The following PSMG4 variants were observed in gnomAD, a reference collection of about 807,000 sequenced individuals.
The protein encoded by PSMG4 is proteasome assembly chaperone 4.
A neutral mutation model predicts 11.0 loss-of-function variants in PSMG4; 10 were observed. The ratio of observed to expected loss-of-function variants is 0.91; its 90% CI spans 0.56 to 1.54. The LOEUF is 1.54. Among genes scored for constraint, PSMG4 ranks in the 40% most tolerant of loss-of-function variants. The pLI is 0.00. For missense variants in PSMG4, 198 were observed against 160.9 expected (o/e 1.23, Z -1.25); for synonymous variants, 95 against 71.3 (o/e 1.33, Z -1.68).
At chr6:3,260,291 A>ATATTTTTTTTTTTTTTTTT in intron 1 of PSMG4, among the ~76,000 whole-genome samples, 5 of 70,838 alleles carry the variant, frequency 7.1e-5, no homozygotes, top group African/African-American at 2.7e-4. Flanking sequence ...ATATATATAT[A>ATATTTTTTTTTTTTTTTTT]TTTTTTTTTT....
At chr6:3,255,039 T>C (rs1466314076), upstream of PSMG4, 1 of 1,549,712 alleles carries the variant, frequency 6.5e-7, no homozygotes, top group South Asian at 1.2e-5. Context: ...CGCTTTCTGA[T>C]TCTCTGGACA....
chr6:3,258,515 TCA>T (rs1226809661), upstream of PSMG4, among the ~76,000 whole-genome samples: 7 of 152,236 alleles, frequency 4.6e-5, no homozygotes, highest in African/African-American at 1.7e-4. Flanking sequence ...GTGGCCGTTC[TCA>T]GAGTGCTTGA....
upstream of PSMG4, among the ~76,000 whole-genome samples, chr6:3,254,677 A>G (rs1347806710): frequency 1.3e-5 from 2 of 152,250 alleles, no homozygotes; most frequent in African/African-American, 4.8e-5. Context: ...CTGCGAAACC[A>G]CTAAACTCAA....
At chr6:3,258,927 C>G, upstream of PSMG4, 1 of 1,162,188 alleles carries the variant, frequency 8.6e-7, no homozygotes, top group Non-Finnish European at 1.1e-6. Flanking sequence ...AGCGAAAGCG[C>G]GCTCGGTCTC....
chr6:3,255,375 ATGT>A, upstream of PSMG4: 41 of 1,416,142 alleles, frequency 2.9e-5, no homozygotes, highest in Non-Finnish European at 3.7e-5. Context: ...GTGGTGGATG[ATGT>A]TTGTTGAGTG....
At chr6:3,256,670 G>A (rs1757777958), upstream of PSMG4, among the ~76,000 whole-genome samples, 2 of 152,226 alleles carry the variant, frequency 1.3e-5, 1 homozygote, top group East Asian at 3.8e-4. Flanking sequence ...GATAGTGTAA[G>A]GTGAATACCG....
chr6:3,262,521 T>C (rs4246060), intron 1 of PSMG4, among the ~76,000 whole-genome samples: 103,937 of 152,048 alleles, frequency 0.68, 38,520 homozygotes, highest in Non-Finnish European at 0.83. Flanking sequence ...CTGCCTTTTA[T>C]TGTCTTTTGT....
upstream of PSMG4, chr6:3,255,019 G>A: frequency 3.9e-6 from 6 of 1,547,608 alleles, no homozygotes; most frequent in Non-Finnish European, 5.2e-6. Context: ...TGGGAGCGCT[G>A]GGATAATGGC....
At chr6:3,264,184 CCTCA>C (rs1290867254) in intron 2 of PSMG4, 1 of 1,551,210 alleles carries the variant, frequency 6.4e-7, no homozygotes, top group Non-Finnish European at 8.7e-7. Context: ...GAAGGACTGT[CCTCA>C]CTCAGTGTGA....
At chr6:3,254,965 A>T, upstream of PSMG4, 3 of 1,422,792 alleles carry the variant, frequency 2.1e-6, no homozygotes. Context: ...GTTGCAGAGC[A>T]TGTGATGTGG....
chr6:3,262,802 T>TC (rs145369798), intron 1 of PSMG4, among the ~76,000 whole-genome samples: 21,904 of 149,456 alleles, frequency 0.15, 3,328 homozygotes, highest in African/African-American at 0.39. Flanking sequence ...GTTTTTTTTT[T>TC]CCCCCTTTGG....
At chr6:3,262,262 C>T (rs1050012378) in intron 1 of PSMG4, among the ~76,000 whole-genome samples, 14 of 152,072 alleles carry the variant, frequency 9.2e-5, no homozygotes, top group African/African-American at 2.9e-4. Context: ...AGTGTGATGT[C>T]GGAAGTAATG....
At chr6:3,258,428 A>G (rs1757837577), upstream of PSMG4, among the ~76,000 whole-genome samples, 1 of 152,180 alleles carries the variant, frequency 6.6e-6, no homozygotes, top group Non-Finnish European at 1.5e-5. Context: ...TACCGTTGCC[A>G]TTCTTAATTA....
At chr6:3,259,386 G>A in intron 1 of PSMG4, among the ~76,000 whole-genome samples, 190 bp downstream of exon 1, 1 of 152,176 alleles carries the variant, frequency 6.6e-6, no homozygotes, top group Non-Finnish European at 1.5e-5. Flanking sequence ...CTGCGCGCGG[G>A]CCCCGGGCCC....
In PSMG4 at chr6:3,264,402, C is replaced by G. The variant is rs558184044; in HGVS notation, c.250+643C>G. ...GTGCACAGGATGCCTGTCTCCTGCC[C>G]AGGCCTGGCGTTCTCCAGTAGGCCC... On this transcript the variant is annotated intron_variant, in intron 2 of 2. Coordinates refer to ENST00000438998, the MANE Select transcript of PSMG4 (RefSeq NM_001128591.2). 44 of 1,501,796 alleles carry G rather than the reference C, an allele frequency of 2.9e-5. No homozygotes were observed. The East Asian group carries it at 1.0e-3, about 35-fold the overall frequency. The allele number at this position is 1,501,796 out of a possible 1,614,324, so 93.0% of individuals were successfully genotyped here.
At chr6:3,260,144 G>T (rs1757923501) in intron 1 of PSMG4, among the ~76,000 whole-genome samples, 1 of 151,476 alleles carries the variant, frequency 6.6e-6, no homozygotes, top group Non-Finnish European at 1.5e-5. Context: ...TCACTATTTT[G>T]CCCAGGCTGT....
upstream of PSMG4, among the ~76,000 whole-genome samples, chr6:3,254,530 T>G (rs1581538422): frequency 3.3e-5 from 5 of 152,184 alleles, 1 homozygote; most frequent in African/African-American, 1.2e-4. Context: ...GCTGTAACAA[T>G]TATCTGGAAG....
chr6:3,262,020 A>T (rs1017513222), intron 1 of PSMG4, among the ~76,000 whole-genome samples: 1 of 152,156 alleles, frequency 6.6e-6, no homozygotes, highest in Non-Finnish European at 1.5e-5. Flanking sequence ...TAGAGAACAG[A>T]CACCATGCAA....
upstream of PSMG4, among the ~76,000 whole-genome samples, chr6:3,257,690 G>A (rs1417908078): frequency 3.9e-5 from 6 of 152,172 alleles, no homozygotes; most frequent in African/African-American, 9.7e-5. Context: ...TCTGGAAAAT[G>A]CAGACTAATC....
Sources: allele counts gnomAD v4.1 joint callset (sites outside exome capture counted in the v4.1 genomes callset), GRCh38; gene constraint gnomAD v4.1.1; transcripts MANE v1.5; gene names NCBI Gene and HGNC (gene_info 2026-07-23, HGNC 2026-07-21).